Variants in SHCBP1L observed in about 807,000 individuals in gnomAD.
SHCBP1L encodes the protein testicular spindle-associated protein SHCBP1L.
A neutral mutation model predicts 62.5 loss-of-function variants in SHCBP1L; 67 were observed. The observed-to-expected ratio is 1.07, with a 90% confidence interval of 0.88 to 1.31. SHCBP1L has a LOEUF of 1.31. SHCBP1L is among the 40% of genes most tolerant of loss of function. The pLI is 0.00. For synonymous variants in SHCBP1L, 284 were observed against 289.4 expected, an observed-to-expected ratio of 0.98 and a Z score of 0.19; for missense variants, 823 against 809.8, an observed-to-expected ratio of 1.02 and a Z score of -0.20.
intron 9 of SHCBP1L, among the ~76,000 whole-genome samples, chr1:182,901,809 T>C (rs1649847024): frequency 6.6e-6 from 1 of 152,084 alleles, no homozygotes. Flanking sequence ...TCTTAAAGTG[T>C]GAGTTAAACC....
intron 6 of SHCBP1L, among the ~76,000 whole-genome samples, chr1:182,907,760 G>A (rs1322851029): frequency 5.9e-5 from 9 of 152,004 alleles, no homozygotes; most frequent in Non-Finnish European, 1.2e-4. Context: ...TGTATTTTTA[G>A]TGGAGACGGG....
At chr1:182,922,346 A>C (rs749778499) in intron 6 of SHCBP1L, among the ~76,000 whole-genome samples, 9 of 152,142 alleles carry the variant, frequency 5.9e-5, no homozygotes, top group Admixed American at 2.6e-4. Flanking sequence ...TGAGGTCAGG[A>C]GTTTGAGACC....
chr1:182,940,245 T>C, intron 3 of SHCBP1L, 84 bp downstream of exon 3: 1 of 1,143,156 alleles, frequency 8.7e-7, no homozygotes, highest in Non-Finnish European at 1.3e-6. Flanking sequence ...CAGTAAGTGC[T>C]TGTAAAGCGA....
At chr1:182,952,215 T>C (rs1558007583) in intron 1 of SHCBP1L, among the ~76,000 whole-genome samples, 1 of 61,158 alleles carries the variant, frequency 1.6e-5, no homozygotes, top group African/African-American at 9.0e-5. Context: ...TATATATATA[T>C]ATATATATAT....
Position 182,951,387 on chromosome 1 carries a change from C to T in SHCBP1L, c.486G>A (p.Lys162=), listed in dbSNP as rs1217559181. The T allele has an allele frequency of 1.2e-6, 2 of 1,609,980 alleles. No homozygotes were observed. Among genetic ancestry groups the T allele is most frequent in the African/African-American group, 2.7e-5 (2 of 74,854 alleles). ...TCACAAAGAATACACTGGGATTAGTCTTCCAGACTCCAAGCCATTTGTCTT... is the reference window on the plus strand; with the variant it reads ...TCACAAAGAATACACTGGGATTAGTTTTCCAGACTCCAAGCCATTTGTCTT... ...KLKDKWLGVW[K]TNPSVFFVKY... The change falls in exon 2 of 10, where the codon AAG becomes AAA. Residue 162 remains lysine (K), a synonymous_variant. Coordinates refer to ENST00000367547, the MANE Select transcript of SHCBP1L (RefSeq NM_030933.4).
rs201900062 is a variant in SHCBP1L, at chr1:182,953,154, C to T, written c.-21G>A. On this transcript the variant is annotated 5_prime_UTR_variant, in exon 1 of 10. Transcript: ENST00000367547. ...GCCATCTCCTCAGCAGCCCGAGGGCCGAGGCAGCCGTTGGCCACTTTTCCC... is the reference window on the plus strand; with the variant it reads ...GCCATCTCCTCAGCAGCCCGAGGGCTGAGGCAGCCGTTGGCCACTTTTCCC... The T allele has an allele frequency of 5.1e-6, 8 of 1,571,740 alleles. No individual in the cohort carries two copies. The East Asian group carries it at 1.4e-4, about 27-fold the overall frequency.
intron 6 of SHCBP1L, among the ~76,000 whole-genome samples, chr1:182,925,629 T>C (rs1339951099): frequency 3.3e-5 from 5 of 152,214 alleles, no homozygotes; most frequent in Admixed American, 3.3e-4. Flanking sequence ...CAATGTGAAA[T>C]GTTTCAGCCC....
intron 6 of SHCBP1L, among the ~76,000 whole-genome samples, chr1:182,924,764 GAAAGAAAGAAAGAAAGAA>G (rs1650645255): frequency 1.1e-5 from 1 of 91,112 alleles, no homozygotes; most frequent in African/African-American, 7.1e-5. Flanking sequence ...AAGAAAGAAA[GAAAGAAAGAAAGAAAGAA>G]AGAAAGAGAG....
intron 6 of SHCBP1L, among the ~76,000 whole-genome samples, chr1:182,921,873 G>C (rs1035778323): frequency 2.0e-5 from 3 of 152,070 alleles, no homozygotes; most frequent in Non-Finnish European, 4.4e-5. Flanking sequence ...AGGCGACAGA[G>C]CAAGACTCAG....
chr1:182,924,786 AAGAG>A (rs370806414), intron 6 of SHCBP1L, among the ~76,000 whole-genome samples: 3 of 93,016 alleles, frequency 3.2e-5, no homozygotes, highest in East Asian at 6.4e-4. Flanking sequence ...GAAAGAAAGA[AAGAG>A]AGAAAGAAAG....
intron 9 of SHCBP1L, among the ~76,000 whole-genome samples, chr1:182,900,637 T>C (rs1649803562): frequency 6.6e-6 from 1 of 152,204 alleles, no homozygotes; most frequent in South Asian, 2.1e-4. Flanking sequence ...TTCAATATTT[T>C]GGCCAGGCTG....
chr1:182,919,691 C>T (rs944838568), intron 6 of SHCBP1L, among the ~76,000 whole-genome samples: 5 of 152,146 alleles, frequency 3.3e-5, no homozygotes, highest in African/African-American at 1.2e-4. Flanking sequence ...TGGGTCAAAG[C>T]TAATTTCAAT....
chr1:182,951,329 T>C lies in SHCBP1L; in HGVS notation c.544A>G (p.Ile182Val). 1.9e-6 allele frequency: 3 copies of C among 1,568,912 alleles called. No individual in the cohort carries two copies. The highest frequency in any genetic ancestry group is 2.5e-5 in the South Asian group (2 of 81,522). ...YEEASIPFVG[I>V]LVEVTCEPYQ... ...TAAAATTTATTTACCTCAACCAATATACCAACAAAAGGGATAGAAGCTTCT... is the reference window on the plus strand; with the variant it reads ...TAAAATTTATTTACCTCAACCAATACACCAACAAAAGGGATAGAAGCTTCT... Residue 182 changes from isoleucine to valine, a missense_variant, in exon 2 of 10, where the codon ATA becomes GTA. Coordinates refer to ENST00000367547, the MANE Select transcript of SHCBP1L (RefSeq NM_030933.4).
Position 182,929,867 on chromosome 1 carries a change from A to T in SHCBP1L, c.1077-115T>A, listed in dbSNP as rs1650902743. On this transcript the variant is annotated intron_variant, in intron 5 of 9. Transcript: ENST00000367547. Reference sequence around the variant, plus strand: ...TCTTTGAGAAATGTTTTCATCAATTATAAGTTCCTTGAGAGCAATGAGCAA... The same window carrying T: ...TCTTTGAGAAATGTTTTCATCAATTTTAAGTTCCTTGAGAGCAATGAGCAA... The T allele has an allele frequency of 4.4e-6, 3 of 683,272 alleles. No homozygotes were observed. The African/African-American group carries it at 5.7e-5, about 13-fold the overall frequency. The allele number at this position is 683,272 out of a possible 1,614,324, so 42.3% of individuals were successfully genotyped here. A position where few individuals can be genotyped will look rare whatever the true frequency, so the allele number is the denominator to read the frequency against.
At chr1:182,903,010 C>A (rs1270037179) in intron 9 of SHCBP1L, 29 bp downstream of exon 9, 4 of 1,523,218 alleles carry the variant, frequency 2.6e-6, no homozygotes, top group South Asian at 1.3e-5. Flanking sequence ...ATTCTTATAA[C>A]AATGCTACAT....
chr1:182,903,631 A>G (rs919580973), intron 8 of SHCBP1L, among the ~76,000 whole-genome samples: 2 of 152,076 alleles, frequency 1.3e-5, no homozygotes, highest in Admixed American at 6.5e-5. Context: ...TGTGATTGTT[A>G]TCTAAAGACT....
rs891379818 is a variant in SHCBP1L, at chr1:182,915,931, C to G, written c.1183-10282G>C. Among the ~76,000 whole-genome samples, 6 of 151,686 alleles carry G rather than the reference C, an allele frequency of 4.0e-5. No individual in the cohort carries two copies. In the South Asian group the frequency reaches 8.3e-4, roughly 21 times the overall value. ...ACGCCATTCTCCTGCCTCAGCCTCT[C>G]GAGTAGCTGGGACCACAGGCGCCCG... On this transcript the variant is annotated intron_variant, in intron 6 of 9. Transcript: ENST00000367547.
At chr1:182,952,194 ATATATATATATAT>A (rs1651786950) in intron 1 of SHCBP1L, among the ~76,000 whole-genome samples, 2 of 14,126 alleles carry the variant, frequency 1.4e-4, no homozygotes, top group East Asian at 1.6e-3. Flanking sequence ...AAAAAAAAAT[ATATATATATATAT>A]ATATATATAT....
At chr1:182,934,374 T>C (rs550457491) in intron 5 of SHCBP1L, among the ~76,000 whole-genome samples, 7 of 152,308 alleles carry the variant, frequency 4.6e-5, no homozygotes, top group African/African-American at 1.4e-4. Flanking sequence ...TTTTGGATTT[T>C]AGCCATTTCT....
Sources: gnomAD v4.1 joint callset for allele counts (sites outside exome capture counted in the v4.1 genomes callset) on GRCh38, gnomAD v4.1.1 for gene constraint, MANE v1.5 for transcripts, NCBI Gene and HGNC (gene_info 2026-07-23, HGNC 2026-07-21) for gene names.